Variants in KCNK16 observed in about 807,000 individuals in gnomAD.
KCNK16 encodes potassium two pore domain channel subfamily K member 16.
KCNK16 carries 23 observed loss-of-function variants against 23.0 expected under a neutral mutation model. The ratio of observed to expected loss-of-function variants is 1.00; its 90% CI spans 0.72 to 1.41. The LOEUF is 1.41. Among genes scored for constraint, KCNK16 ranks in the 40% most tolerant of loss-of-function variants. KCNK16 has a pLI of 0.00. For missense variants in KCNK16, 327 were observed against 365.8 expected, an observed-to-expected ratio of 0.89 and a Z score of 0.87; for synonymous variants, 145 against 153.5, an observed-to-expected ratio of 0.94 and a Z score of 0.41.
downstream of KCNK16, chr6:39,315,104 C>T (rs756419203): frequency 1.9e-6 from 3 of 1,614,208 alleles, no homozygotes; most frequent in South Asian, 3.3e-5. Flanking sequence ...CTGGAGCCGC[C>T]TTGGCTCCAC....
intron 1 of KCNK16, among the ~76,000 whole-genome samples, chr6:39,321,026 G>T (rs1312231474): frequency 3.9e-5 from 6 of 152,206 alleles, no homozygotes; most frequent in Non-Finnish European, 8.8e-5. Flanking sequence ...CACAGCTACA[G>T]AATGTTGTCT....
rs146487869 is a variant in KCNK16, at chr6:39,317,794, G to T, written c.487C>A (p.Arg163Ser). The T allele has an allele frequency of 1.8e-5, 28 of 1,597,620 alleles. No individual in the cohort carries two copies. The highest frequency in any genetic ancestry group is 2.3e-5 in the Non-Finnish European group (27 of 1,172,094). ...GGAGTTAGGGGGCATACCTGGGAGC[G>T]CCTGGGACGGTCCTCCCATCTTTCA... Reference protein sequence around the residue: ...AIERWEDRPRRSQVLQVLGLA... With the variant: ...AIERWEDRPRSSQVLQVLGLA... The change falls in exon 3 of 5, where the codon CGC becomes AGC. Residue 163 changes from arginine (R) to serine (S), a missense_variant. Physicochemically the swap from Arg to Ser is moderately radical, Grantham distance 110. Coordinates refer to ENST00000437525, the MANE Select transcript of KCNK16 (RefSeq NM_001135106.2).
At position 39,317,799 on chromosome 6, in the gene KCNK16, G is replaced by T. The variant is rs771331586; in HGVS notation, c.482C>A (p.Pro161His). 1.2e-6 allele frequency: 2 copies of T among 1,602,380 alleles called. No individual in the cohort carries two copies. Among genetic ancestry groups the T allele is most frequent in the Admixed American group, 3.5e-5 (2 of 57,840 alleles). The change falls in exon 3 of 5, where the codon CCC becomes CAC. Residue 161 changes from proline to histidine, a missense_variant. Pro to His is a moderately conservative substitution (Grantham distance 77). Transcript: ENST00000437525. ...LAAIERWEDRPRRSQVLQVLG... is the reference protein window; with the variant it reads ...LAAIERWEDRHRRSQVLQVLG... ...TAGGGGGCATACCTGGGAGCGCCTGGGACGGTCCTCCCATCTTTCAATGGC... is the reference window on the plus strand; with the variant it reads ...TAGGGGGCATACCTGGGAGCGCCTGTGACGGTCCTCCCATCTTTCAATGGC...
At chr6:39,314,675 C>G (rs1302349455), downstream of KCNK16, 1 of 408,222 alleles carries the variant, frequency 2.4e-6, no homozygotes, top group African/African-American at 2.1e-5. Context: ...ATGGGAGGGA[C>G]TTCTGGAAAC....
rs748152952 is a variant in KCNK16, at chr6:39,316,349, G to A, written c.755C>T (p.Pro252Leu). 1.2e-6 allele frequency: 2 copies of A among 1,612,354 alleles called. No individual in the cohort carries two copies. Among genetic ancestry groups the A allele is most frequent in the South Asian group, 1.1e-5 (1 of 90,528 alleles). The part of the protein sequence containing the change: ...LGLAWLALIL[P>L]LGPLLLHRCC... ...TCTGTGCAGAAGCAGGGGGCCCAGT[G>A]GGAGGATCAGCGCCAGCCACGCCAG... The change falls in exon 5 of 5, where the codon CCA (proline) becomes CTA (leucine). Residue 252 changes from proline to leucine, a missense_variant. By Grantham distance (98) the Pro-to-Leu change is moderately conservative (BLOSUM62 -3). Transcript: ENST00000437525.
chr6:39,314,666 T>G, downstream of KCNK16: 1 of 399,406 alleles, frequency 2.5e-6, no homozygotes, highest in Non-Finnish European at 4.4e-6. Context: ...AAATGAACAA[T>G]GGGAGGGACT....
At chr6:39,320,414 C>T in intron 1 of KCNK16, among the ~76,000 whole-genome samples, 1 of 152,324 alleles carries the variant, frequency 6.6e-6, no homozygotes, top group Admixed American at 6.5e-5. Flanking sequence ...GCTGAGGGTG[C>T]TGAGTGCCGG....
In KCNK16 at chr6:39,319,043, C is replaced by T. The variant is rs568188267; in HGVS notation, c.304G>A (p.Ala102Thr). The part of the protein sequence containing the change: ...NWDFGSSFFF[A>T]GTVVTTIGYG... The stretch of plus-strand genomic sequence containing the variant: ...CCTATGGTAGTGACGACTGTGCCTG[C>T]AAAGAAGAAACTGCTGCCAAAGTCC... Residue 102 changes from alanine to threonine, a missense_variant, in exon 2 of 5, where the codon GCA becomes ACA. Physicochemically the swap from Ala to Thr is moderately conservative, Grantham distance 58 (BLOSUM62 0). Transcript: ENST00000437525. This position sits in a 1 kb window ranked among gnomAD's most constrained non-coding sequence, Gnocchi z 4.2. The T allele has an allele frequency of 2.4e-5, 39 of 1,613,906 alleles. No individual in the cohort carries two copies. The South Asian group carries it at 3.5e-4, about 15-fold the overall frequency.
chr6:39,316,644 C>G, intron 4 of KCNK16, 138 bp downstream of exon 4: 1 of 1,224,672 alleles, frequency 8.2e-7, no homozygotes, highest in Non-Finnish European at 1.1e-6. Flanking sequence ...ACAGTAGTCC[C>G]AGAAATCATT....
At chr6:39,315,303 A>G (rs202095357), downstream of KCNK16, 6,389 of 1,558,646 alleles carry the variant, frequency 4.1e-3, 19 homozygotes, top group Non-Finnish European at 5.1e-3. Context: ...GAGAGAGGCC[A>G]GACGTTCATG....
chr6:39,316,675 C>G (rs1025320123), intron 4 of KCNK16, 107 bp downstream of exon 4: 1 of 1,356,554 alleles, frequency 7.4e-7, no homozygotes, highest in Admixed American at 2.2e-5. Context: ...CCTTGAATGA[C>G]CAAGGGCTAT....
intron 4 of KCNK16, 120 bp downstream of exon 4, chr6:39,316,662 C>A: frequency 7.7e-7 from 1 of 1,294,122 alleles, no homozygotes; most frequent in Non-Finnish European, 1.1e-6. Context: ...ATTGGTTTGG[C>A]TCCCTTGAAT....
chr6:39,317,718 G>T (rs4714236), intron 3 of KCNK16, 68 bp downstream of exon 3: 1 of 1,447,360 alleles, frequency 6.9e-7, no homozygotes, highest in South Asian at 1.4e-5. Context: ...TCTCAGCATC[G>T]GCTTCTGGGG....
At chr6:39,316,009 C>T (rs1346737739), downstream of KCNK16, among the ~76,000 whole-genome samples, 1 of 152,168 alleles carries the variant, frequency 6.6e-6, no homozygotes, top group Admixed American at 6.5e-5. Flanking sequence ...ACCTCCCCAT[C>T]CACACATGTC....
chr6:39,322,383 C>T lies in KCNK16; in HGVS notation c.158G>A (p.Arg53His), dbSNP rs376531453. Residue 53 changes from arginine (R) to histidine (H), a missense_variant, in exon 1 of 5, where the codon CGC becomes CAC. By Grantham distance (29) the Arg-to-His change is conservative. Transcript: ENST00000437525. ...SRDQFQLEKL[R>H]FLENYTCLDQ... Reference sequence around the variant, plus strand: ...CAGGCAGGTGTAGTTCTCCAGGAAGCGCAGCTTCTCCAACTGAAACTGGTC... The same window carrying T: ...CAGGCAGGTGTAGTTCTCCAGGAAGTGCAGCTTCTCCAACTGAAACTGGTC... 41 of 1,614,122 alleles carry T rather than the reference C, an allele frequency of 2.5e-5. No homozygotes were observed. The highest frequency in any genetic ancestry group is 2.5e-5 in the Non-Finnish European group (30 of 1,180,022).
At chr6:39,316,556 A>G in intron 4 of KCNK16, 114 bp from the exon 5 acceptor site, 1 of 1,358,100 alleles carries the variant, frequency 7.4e-7, no homozygotes, top group Non-Finnish European at 1.0e-6. Flanking sequence ...CATAACAAGG[A>G]ACAGCAGTTG....
At position 39,319,070 on chromosome 6, in the gene KCNK16, AG is replaced by A; in HGVS notation, c.276del (p.Trp93GlyfsTer17). ...AAGAAGAAACTGCTGCCAAAGTCCC[AG>A]TTGCTGGGGTTGGTAGAGTTGCCTT... ...NPKGNSTNPSNWDFGSSFFFA... is the reference protein window; with the variant it reads ...NPKGNSTNPSXWDFGSSFFFA... On this transcript the variant is annotated frameshift_variant, in exon 2 of 5. Transcript: ENST00000437525. LOFTEE classifies it high-confidence loss of function. This position sits in a 1 kb window ranked among gnomAD's most constrained non-coding sequence, Gnocchi z 4.2. The A allele has an allele frequency of 1.2e-6, 2 of 1,614,108 alleles. No individual in the cohort carries two copies. The highest frequency in any genetic ancestry group is 1.7e-6 in the Non-Finnish European group (2 of 1,180,008).
Position 39,316,353 on chromosome 6 carries a change from G to T in KCNK16, c.751C>A (p.Leu251Ile), listed in dbSNP as rs771706193. ...LLGLAWLALILPLGPLLLHRC... is the reference protein window; with the variant it reads ...LLGLAWLALIIPLGPLLLHRC... The stretch of plus-strand genomic sequence containing the variant: ...TGCAGAAGCAGGGGGCCCAGTGGGA[G>T]GATCAGCGCCAGCCACGCCAGGCCC... Residue 251 changes from leucine (L) to isoleucine (I), a missense_variant, in exon 5 of 5, where the codon CTC (leucine) becomes ATC (isoleucine). Physicochemically the swap from Leu to Ile is conservative, Grantham distance 5. Coordinates refer to ENST00000437525, the MANE Select transcript of KCNK16 (RefSeq NM_001135106.2). The T allele has an allele frequency of 1.1e-5, 17 of 1,612,546 alleles. No individual in the cohort carries two copies. Among genetic ancestry groups the T allele is most frequent in the Middle Eastern group, 3.3e-4 (2 of 6,022 alleles).
rs201802916 is a variant in KCNK16, at chr6:39,319,853, A to T, written c.214-720T>A. 1.5e-5 allele frequency among the ~76,000 whole-genome samples: 1 copy of T among 68,034 alleles called. No homozygotes were observed. The highest frequency in any genetic ancestry group is 3.5e-5 in the Non-Finnish European group (1 of 28,736). 44.6% of individuals were successfully genotyped at this position (68,034 alleles called of 152,430 possible). On this transcript the variant is annotated intron_variant, in intron 1 of 4. Transcript: ENST00000437525. The surrounding 1 kb of genome is among the most constrained non-coding windows in gnomAD (Gnocchi z 4.2). ...ATGTTGCACATGTGTGCATGTTTGT[A>T]TGTGTGTTGCATGTGTTTTCACAAG...
Sources: allele counts gnomAD v4.1 joint callset (sites outside exome capture counted in the v4.1 genomes callset), GRCh38; gene constraint gnomAD v4.1.1; non-coding constraint Gnocchi (gnomAD v3.1); transcripts MANE v1.5; gene names NCBI Gene and HGNC (gene_info 2026-07-23, HGNC 2026-07-21).